PARD3B: variants seen among roughly 807,000 people sequenced by gnomAD.
PARD3B encodes the protein partitioning defective 3 homolog B.
PARD3B carries 103 observed loss-of-function variants against 130.2 expected under a neutral mutation model. The observed-to-expected ratio is 0.79, with a 90% CI of 0.67 to 0.93. The LOEUF (loss-of-function observed/expected upper bound fraction) is 0.93. Ranked by LOEUF, PARD3B falls within the 40% of genes least tolerant of loss-of-function variation. The pLI, the probability that PARD3B is intolerant of heterozygous loss-of-function variation, is 0.00. For missense variants in PARD3B, 1,609 were observed against 1,499.2 expected (o/e 1.07, Z -1.21); for synonymous variants, 583 against 553.2 (o/e 1.05, Z -0.76).
At chr2:205,239,723 TC>T (rs1216349068) in intron 15 of PARD3B, among the ~76,000 whole-genome samples, 1 of 152,212 alleles carries the variant, frequency 6.6e-6, no homozygotes, top group African/African-American at 2.4e-5. Flanking sequence ...GAATAAGCCC[TC>T]CTTTTTTACC....
At position 205,128,407 on chromosome 2, in the gene PARD3B, T is replaced by A. The variant is rs1417759590; in HGVS notation, c.1434+2670T>A. 6.6e-6 allele frequency among the ~76,000 whole-genome samples: 1 copy of A among 152,232 alleles called. No homozygotes were observed. Among genetic ancestry groups the A allele is most frequent in the Non-Finnish European group, 1.5e-5 (1 of 68,042 alleles). On this transcript the variant is annotated intron_variant, in intron 10 of 22. Coordinates refer to ENST00000406610, the MANE Select transcript of PARD3B (RefSeq NM_001302769.2). This position sits in a 1 kb window ranked among gnomAD's most constrained non-coding sequence, Gnocchi z 4.5. ...GCTGATTTATCCCAGTTTGAAGCTCTGAATTCATTCCTCATCAAAGGCAAT... is the reference window on the plus strand; with the variant it reads ...GCTGATTTATCCCAGTTTGAAGCTCAGAATTCATTCCTCATCAAAGGCAAT...
At chr2:205,037,651 G>C (rs1168537003) in intron 3 of PARD3B, among the ~76,000 whole-genome samples, 1 of 144,442 alleles carries the variant, frequency 6.9e-6, no homozygotes, top group African/African-American at 2.5e-5. Context: ...TGTATATAGT[G>C]GACTATATAT....
chr2:205,296,042 T>C (rs1357061927), intron 16 of PARD3B, among the ~76,000 whole-genome samples: 1 of 152,200 alleles, frequency 6.6e-6, no homozygotes, highest in Non-Finnish European at 1.5e-5. Flanking sequence ...AAGAATTCAA[T>C]GATGGATTGA....
chr2:204,633,492 A>G (rs572666843), intron 1 of PARD3B, among the ~76,000 whole-genome samples: 1 of 152,322 alleles, frequency 6.6e-6, no homozygotes, highest in South Asian at 2.1e-4. Context: ...ATAAGGTTCA[A>G]ATTTCACCGA....
intron 22 of PARD3B, among the ~76,000 whole-genome samples, chr2:205,576,273 C>T (rs905996716): frequency 6.8e-5 from 10 of 146,994 alleles, no homozygotes; most frequent in Non-Finnish European, 1.3e-4. Context: ...GATAACAGTC[C>T]TTTAACAGAT....
intron 4 of PARD3B, among the ~76,000 whole-genome samples, chr2:205,102,074 T>C (rs1421465601): frequency 6.6e-6 from 1 of 152,180 alleles, no homozygotes; most frequent in African/African-American, 2.4e-5. Flanking sequence ...GGCAATCCTT[T>C]AGATGACTGT....
chr2:204,925,666 G>T (rs1687556083), intron 2 of PARD3B, among the ~76,000 whole-genome samples: 1 of 152,016 alleles, frequency 6.6e-6, no homozygotes, highest in South Asian at 2.1e-4. Context: ...TCATCCTTGG[G>T]TCATTTCAGT....
chr2:205,264,948 G>T (rs558051664), intron 16 of PARD3B, among the ~76,000 whole-genome samples: 4 of 151,088 alleles, frequency 2.6e-5, no homozygotes, highest in Admixed American at 2.6e-4. Flanking sequence ...CTGTTTATGT[G>T]ATCATAAATC....
chr2:204,709,290 A>G (rs1466933135), intron 2 of PARD3B, among the ~76,000 whole-genome samples: 1 of 152,280 alleles, frequency 6.6e-6, no homozygotes, highest in South Asian at 2.1e-4. Context: ...TCTCCGCATG[A>G]TGCAGAACGT....
chr2:204,974,946 T>C (rs1692017429), intron 3 of PARD3B, among the ~76,000 whole-genome samples: 2 of 152,188 alleles, frequency 1.3e-5, no homozygotes, highest in African/African-American at 4.8e-5. Context: ...ACAGATTCAT[T>C]CCCAAGTAGC....
chr2:205,096,173 C>T (rs1702383654), intron 4 of PARD3B, among the ~76,000 whole-genome samples: 1 of 152,026 alleles, frequency 6.6e-6, no homozygotes, highest in Non-Finnish European at 1.5e-5. Flanking sequence ...TATGTTTATT[C>T]AGTTGGAGTT....
chr2:205,114,741 C>A (rs754174774), intron 6 of PARD3B, among the ~76,000 whole-genome samples: 1 of 122,530 alleles, frequency 8.2e-6, no homozygotes, highest in Non-Finnish European at 1.7e-5. Flanking sequence ...CCTGTAATTG[C>A]GAAGTCATCA....
chr2:205,115,891 T>C (rs1413809181), intron 6 of PARD3B, among the ~76,000 whole-genome samples: 1 of 152,228 alleles, frequency 6.6e-6, no homozygotes, highest in African/African-American at 2.4e-5. Flanking sequence ...ATTTAATTTT[T>C]TTACTAAGAT....
intron 1 of PARD3B, among the ~76,000 whole-genome samples, chr2:204,651,062 G>T (rs1017480696): frequency 6.6e-6 from 1 of 152,112 alleles, no homozygotes; most frequent in East Asian, 1.9e-4. Flanking sequence ...TGAGATTTGG[G>T]TGAGGACCCA....
At position 205,185,974 on chromosome 2, in the gene PARD3B, A is replaced by G; in HGVS notation, c.2024+111A>G. Reference sequence around the variant, plus strand: ...AACTCTATTTCTTTCTGGAATGGAAATCTTATAGTATCTATAATTCCTTTC... The same window carrying G: ...AACTCTATTTCTTTCTGGAATGGAAGTCTTATAGTATCTATAATTCCTTTC... On this transcript the variant is annotated intron_variant, in intron 14 of 22. Transcript: ENST00000406610. The G allele has an allele frequency of 4.6e-6, 4 of 865,924 alleles. No homozygotes were observed. In the South Asian group the frequency reaches 6.1e-5, roughly 13 times the overall value. The allele number at this position is 865,924 out of a possible 1,614,324, so 53.6% of individuals were successfully genotyped here.
intron 2 of PARD3B, among the ~76,000 whole-genome samples, chr2:204,870,058 A>G (rs1036865929): frequency 3.9e-5 from 6 of 152,114 alleles, no homozygotes; most frequent in Non-Finnish European, 5.9e-5. Context: ...AGACCTGCCT[A>G]TGCATACTAG....
intron 2 of PARD3B, among the ~76,000 whole-genome samples, chr2:204,734,791 G>A (rs549781120): frequency 6.2e-4 from 95 of 152,194 alleles, no homozygotes; most frequent in African/African-American, 2.1e-3. Context: ...TTGGGTAGTG[G>A]AAGTGTTTCT....
chr2:205,344,391 T>C (rs1435173706), intron 18 of PARD3B, among the ~76,000 whole-genome samples: 1 of 152,112 alleles, frequency 6.6e-6, no homozygotes, highest in East Asian at 1.9e-4. Context: ...GGCATGATAC[T>C]GGAGGGAGAG....
At chr2:204,601,555 G>C (rs7575842) in intron 1 of PARD3B, among the ~76,000 whole-genome samples, 5,206 of 151,880 alleles carry the variant, frequency 0.034, 248 homozygotes, top group East Asian at 0.13. Flanking sequence ...AAATAAATAG[G>C]CTTCCCAAAA....
Sources: gnomAD v4.1 joint callset for allele counts (sites outside exome capture counted in the v4.1 genomes callset) on GRCh38, gnomAD v4.1.1 for gene constraint, Gnocchi (gnomAD v3.1) non-coding constraint, MANE v1.5 for transcripts, NCBI Gene and HGNC (gene_info 2026-07-23, HGNC 2026-07-21) for gene names.